ZFAND3: variants seen among roughly 807,000 people sequenced by gnomAD.
ZFAND3 encodes the protein zinc finger AN1-type containing 3.
ZFAND3 carries 10 observed loss-of-function variants against 29.6 expected under a neutral mutation model. The ratio of observed to expected loss-of-function variants is 0.34; its 90% CI spans 0.21 to 0.57. ZFAND3 has a LOEUF of 0.57. ZFAND3 is among the 20% of genes least tolerant of loss of function. The pLI is 0.86. For missense variants in ZFAND3, 230 were observed against 304.5 expected (o/e 0.76, Z 1.82); for synonymous variants, 128 against 112.6 (o/e 1.14, Z -0.87).
rs1581838591 is a variant in ZFAND3 at position 38,012,682 on chromosome 6, T to G, written c.113-48911T>G. 2.0e-5 allele frequency among the ~76,000 whole-genome samples: 3 copies of G among 152,258 alleles called. No homozygotes were observed. In the Middle Eastern group the frequency reaches 0.01, roughly 518 times the overall value. ...GTGAGCCACCATGCCTGGCTGATAG[T>G]AATTTTTAATCTTTATGTGATGAGG... On this transcript the variant is annotated intron_variant, in intron 2 of 5. Coordinates refer to ENST00000287218, the MANE Select transcript of ZFAND3 (RefSeq NM_021943.3).
intron 5 of ZFAND3, among the ~76,000 whole-genome samples, chr6:38,133,674 C>T (rs1159315026): frequency 2.6e-5 from 4 of 151,368 alleles, no homozygotes; most frequent in East Asian, 1.9e-4. Context: ...GGCGTGAACC[C>T]GGGAGGCAGA....
At chr6:37,997,369 A>C (rs138321059) in intron 2 of ZFAND3, among the ~76,000 whole-genome samples, 139 of 152,348 alleles carry the variant, frequency 9.1e-4, no homozygotes, top group African/African-American at 3.0e-3. Context: ...GGAGGAAAGA[A>C]TAGCATTGTA....
At chr6:38,117,491 T>C (rs1765444641) in intron 5 of ZFAND3, among the ~76,000 whole-genome samples, 1 of 152,200 alleles carries the variant, frequency 6.6e-6, no homozygotes, top group Non-Finnish European at 1.5e-5. Flanking sequence ...ACATGTATCA[T>C]GACACATAGG....
intron 1 of ZFAND3, among the ~76,000 whole-genome samples, chr6:37,896,580 CTCTCTTTCTCTTTT>C (rs1765220820): frequency 1.3e-5 from 1 of 76,842 alleles, no homozygotes; most frequent in African/African-American, 6.0e-5. Flanking sequence ...CTCTCTTTCT[CTCTCTTTCTCTTTT>C]TCTTTCTCTC....
intron 1 of ZFAND3, among the ~76,000 whole-genome samples, chr6:37,846,337 C>T (rs1286210657): frequency 6.6e-6 from 1 of 152,212 alleles, no homozygotes; most frequent in African/African-American, 2.4e-5. Flanking sequence ...GAGCCAGGTG[C>T]AGCTGTTTGG....
intron 4 of ZFAND3, among the ~76,000 whole-genome samples, chr6:38,093,278 T>C (rs1764908904): frequency 1.3e-5 from 2 of 152,198 alleles, no homozygotes; most frequent in African/African-American, 4.8e-5. Flanking sequence ...TGACAGGATT[T>C]GATGGCTGAT....
chr6:37,985,527 A>ACACACACCCCC (rs753070737), intron 2 of ZFAND3, among the ~76,000 whole-genome samples: 2 of 141,760 alleles, frequency 1.4e-5, no homozygotes, highest in South Asian at 2.2e-4. Context: ...ACACACACAC[A>ACACACACCCCC]CCCCCACACA....
At chr6:37,889,268 C>T (rs1285694668) in intron 1 of ZFAND3, among the ~76,000 whole-genome samples, 1 of 152,156 alleles carries the variant, frequency 6.6e-6, no homozygotes, top group Non-Finnish European at 1.5e-5. Context: ...AAACTTTCCC[C>T]AGTGATTCAT....
intron 2 of ZFAND3, among the ~76,000 whole-genome samples, chr6:37,961,528 G>A (rs967765085): frequency 6.6e-6 from 1 of 152,224 alleles, no homozygotes; most frequent in Non-Finnish European, 1.5e-5. Flanking sequence ...GCCAGGGTGT[G>A]GTTACAGTGG....
At chr6:38,138,807 A>G (rs1765893887) in intron 5 of ZFAND3, among the ~76,000 whole-genome samples, 1 of 152,236 alleles carries the variant, frequency 6.6e-6, no homozygotes, top group African/African-American at 2.4e-5. Flanking sequence ...AACAGAGGTC[A>G]AGAAGATGAA....
chr6:38,025,520 C>T (rs1377249490), intron 2 of ZFAND3, among the ~76,000 whole-genome samples: 2 of 150,834 alleles, frequency 1.3e-5, no homozygotes, highest in African/African-American at 2.4e-5. Flanking sequence ...TTGTGAACTC[C>T]TTTTTTTTTG....
chr6:38,065,805 T>C (rs1005049982), intron 3 of ZFAND3, among the ~76,000 whole-genome samples: 1 of 152,208 alleles, frequency 6.6e-6, no homozygotes, highest in African/African-American at 2.4e-5. Flanking sequence ...GCACTTGGAT[T>C]TGGTGATCAT....
intron 3 of ZFAND3, among the ~76,000 whole-genome samples, chr6:38,070,423 A>G (rs563348172): frequency 7.5e-6 from 1 of 134,222 alleles, no homozygotes; most frequent in South Asian, 2.7e-4. Flanking sequence ...TAAAAAAAAA[A>G]AAAAAAGATT....
chr6:37,925,379 A>G (rs887813313), intron 1 of ZFAND3, among the ~76,000 whole-genome samples: 4 of 152,160 alleles, frequency 2.6e-5, no homozygotes, highest in Non-Finnish European at 4.4e-5. Context: ...TGAGTGTTGT[A>G]TCTGTAAGAC....
intron 5 of ZFAND3, among the ~76,000 whole-genome samples, chr6:38,147,081 T>C (rs924802191): frequency 3.9e-5 from 6 of 152,320 alleles, no homozygotes; most frequent in Admixed American, 2.0e-4. Flanking sequence ...CTATCTAACA[T>C]TGAATTTATT....
intron 2 of ZFAND3, among the ~76,000 whole-genome samples, chr6:37,934,143 C>A (rs536128889): frequency 2.0e-5 from 3 of 151,576 alleles, no homozygotes; most frequent in African/African-American, 7.3e-5. Flanking sequence ...CCACCTTGGC[C>A]TCCCAAAGTG....
At chr6:37,890,748 C>A (rs754171698) in intron 1 of ZFAND3, among the ~76,000 whole-genome samples, 4 of 152,178 alleles carry the variant, frequency 2.6e-5, no homozygotes, top group Non-Finnish European at 5.9e-5. Flanking sequence ...GCACACAGTT[C>A]TGGTATTGTA....
chr6:38,145,419 A>G (rs1365108912), intron 5 of ZFAND3, among the ~76,000 whole-genome samples: 3 of 152,114 alleles, frequency 2.0e-5, no homozygotes, highest in Non-Finnish European at 4.4e-5. Flanking sequence ...AAGGTGTTAG[A>G]TGTTGTGGCA....
chr6:37,823,891 A>G (rs568021763), intron 1 of ZFAND3, among the ~76,000 whole-genome samples: 46 of 152,030 alleles, frequency 3.0e-4, no homozygotes, highest in African/African-American at 1.0e-3. Context: ...TCCTGGGTTC[A>G]AGTGATTCTC....
Sources: allele counts gnomAD v4.1 joint callset (sites outside exome capture counted in the v4.1 genomes callset), GRCh38; gene constraint gnomAD v4.1.1; transcripts MANE v1.5; gene names NCBI Gene and HGNC (gene_info 2026-07-23, HGNC 2026-07-21).